CWC27: variants seen among roughly 807,000 people sequenced by gnomAD.
CWC27 encodes the protein CWC27 spliceosome associated cyclophilin.
In CWC27, 47 loss-of-function variants were observed where a neutral mutation model predicts 63.6. That is an observed-to-expected ratio of 0.74 (90% CI 0.58 to 0.94). CWC27 has a LOEUF of 0.94. CWC27 is among the 40% of genes least tolerant of loss of function. The pLI is 0.00. For synonymous variants in CWC27, 175 were observed against 179.8 expected, an observed-to-expected ratio of 0.97 and a Z score of 0.22; for missense variants, 495 against 554.3, an observed-to-expected ratio of 0.89 and a Z score of 1.07.
chr5:64,827,379 T>C (rs1327809925), intron 10 of CWC27, among the ~76,000 whole-genome samples: 1 of 152,206 alleles, frequency 6.6e-6, no homozygotes, highest in Non-Finnish European at 1.5e-5. Flanking sequence ...GCATGAGTTT[T>C]ATTTTTCCAT....
intron 10 of CWC27, among the ~76,000 whole-genome samples, chr5:64,830,220 TC>T (rs1038466081): frequency 2.6e-5 from 4 of 151,370 alleles, no homozygotes; most frequent in African/African-American, 7.3e-5. Flanking sequence ...CTACCGTGTG[TC>T]CAAGTATTCT....
At chr5:64,995,441 A>G (rs1422625297) in intron 13 of CWC27, among the ~76,000 whole-genome samples, 2 of 152,188 alleles carry the variant, frequency 1.3e-5, no homozygotes, top group Non-Finnish European at 1.5e-5. Context: ...TAAGATCTTC[A>G]TAATCCCAAG....
chr5:64,995,713 T>A (rs549639125), intron 13 of CWC27, among the ~76,000 whole-genome samples: 1 of 152,360 alleles, frequency 6.6e-6, no homozygotes, highest in South Asian at 2.1e-4. Flanking sequence ...TGTCTATTCT[T>A]GTGCCAGTAC....
At chr5:64,891,189 G>A (rs1010235912) in intron 11 of CWC27, among the ~76,000 whole-genome samples, 3 of 152,072 alleles carry the variant, frequency 2.0e-5, no homozygotes, top group African/African-American at 7.2e-5. Context: ...TAATAAGATA[G>A]AGAATGGGCA....
At chr5:64,883,851 A>C (rs1747002998) in intron 10 of CWC27, among the ~76,000 whole-genome samples, 1 of 152,200 alleles carries the variant, frequency 6.6e-6, no homozygotes, top group Admixed American at 6.5e-5. Context: ...TGTTTGCTGA[A>C]TAAAAGGATC....
At chr5:64,835,352 G>C (rs2112270359) in intron 10 of CWC27, among the ~76,000 whole-genome samples, 1 of 151,950 alleles carries the variant, frequency 6.6e-6, no homozygotes, top group South Asian at 2.1e-4. Context: ...CTAAGTCAGT[G>C]TTCCTATTTC....
At chr5:64,972,095 C>G (rs1374745262) in intron 12 of CWC27, among the ~76,000 whole-genome samples, 2 of 152,094 alleles carry the variant, frequency 1.3e-5, no homozygotes, top group Non-Finnish European at 2.9e-5. Flanking sequence ...TCCTCAGAAA[C>G]CCAGGTGGAA....
chr5:64,943,048 T>C (rs1210845272), intron 11 of CWC27, among the ~76,000 whole-genome samples: 1 of 152,096 alleles, frequency 6.6e-6, no homozygotes, highest in African/African-American at 2.4e-5. Context: ...AAAGCAGACA[T>C]TGAAAGTCTT....
chr5:64,897,593 A>G (rs1045975583), intron 11 of CWC27, among the ~76,000 whole-genome samples: 5 of 152,114 alleles, frequency 3.3e-5, no homozygotes, highest in African/African-American at 1.2e-4. Flanking sequence ...GGTCGGTCAG[A>G]GATGGGGGAT....
intron 10 of CWC27, among the ~76,000 whole-genome samples, chr5:64,877,867 T>C (rs1305394846): frequency 1.5e-5 from 1 of 67,662 alleles, no homozygotes; most frequent in Non-Finnish European, 3.3e-5. Context: ...GAAAAATCTC[T>C]TGCCATCTCT....
chr5:64,885,541 G>A lies in CWC27; in HGVS notation c.1037G>A (p.Ser346Asn), dbSNP rs745529563. The change falls in exon 11 of 14, where the codon AGT (serine) becomes AAT (asparagine). Residue 346 changes from serine (S) to asparagine (N), a missense_variant. Ser to Asn is a conservative substitution (Grantham distance 46, BLOSUM62 1). Transcript: ENST00000381070. Reference sequence around the variant, plus strand: ...GCAGCAAAACAAGCAGAAAAAAGAAGTGAAGGTAAGGGCATTTATCACGCT... The same window carrying A: ...GCAGCAAAACAAGCAGAAAAAAGAAATGAAGGTAAGGGCATTTATCACGCT... ...ENAAKQAEKRSEEEEAPPDGA... is the reference protein window; with the variant it reads ...ENAAKQAEKRNEEEEAPPDGA... The A allele has an allele frequency of 6.3e-7, 1 of 1,595,036 alleles. No homozygotes were observed.
intron 11 of CWC27, among the ~76,000 whole-genome samples, chr5:64,889,003 G>A (rs1471398870): frequency 6.6e-6 from 1 of 152,138 alleles, no homozygotes; most frequent in East Asian, 1.9e-4. Context: ...TACTACTTCT[G>A]TGGTAATCTT....
intron 11 of CWC27, among the ~76,000 whole-genome samples, chr5:64,959,635 T>C (rs1016071460): frequency 6.6e-6 from 1 of 152,216 alleles, no homozygotes; most frequent in African/African-American, 2.4e-5. Context: ...TCAGGAATTA[T>C]CTAATCCCTT....
intron 11 of CWC27, among the ~76,000 whole-genome samples, chr5:64,926,162 A>G (rs145885798): frequency 6.6e-6 from 1 of 152,176 alleles, no homozygotes; most frequent in African/African-American, 2.4e-5. Flanking sequence ...TTCTGCATCA[A>G]TCTGTATCAT....
At chr5:65,009,054 G>A (rs1749899835) in intron 13 of CWC27, among the ~76,000 whole-genome samples, 1 of 152,072 alleles carries the variant, frequency 6.6e-6, no homozygotes, top group African/African-American at 2.4e-5. Flanking sequence ...TATACAAGAA[G>A]GATGGCACCA....
intron 10 of CWC27, among the ~76,000 whole-genome samples, chr5:64,879,976 A>G (rs1431260586): frequency 2.6e-5 from 4 of 151,982 alleles, no homozygotes; most frequent in South Asian, 2.1e-4. Context: ...ATGTTTTAGC[A>G]TGTACCCTGT....
At chr5:64,796,591 AT>A (rs1324259761) in intron 7 of CWC27, among the ~76,000 whole-genome samples, 3 of 152,292 alleles carry the variant, frequency 2.0e-5, no homozygotes, top group Admixed American at 6.5e-5. Context: ...ATCTAAAAAA[AT>A]ATTTTCATAG....
chr5:65,006,788 T>C (rs1580778532), intron 13 of CWC27, among the ~76,000 whole-genome samples: 1 of 151,998 alleles, frequency 6.6e-6, no homozygotes, highest in East Asian at 1.9e-4. Context: ...GTGTACATCA[T>C]GGAAAGCAAG....
intron 12 of CWC27, among the ~76,000 whole-genome samples, chr5:64,975,078 T>G (rs537470351): frequency 6.6e-6 from 1 of 152,336 alleles, no homozygotes; most frequent in South Asian, 2.1e-4. Context: ...CCAAAACTCA[T>G]CTCATTCAGT....
Sources: gnomAD v4.1 joint callset for allele counts (sites outside exome capture counted in the v4.1 genomes callset) on GRCh38, gnomAD v4.1.1 for gene constraint, MANE v1.5 for transcripts, NCBI Gene and HGNC (gene_info 2026-07-23, HGNC 2026-07-21) for gene names.